Variants in DNM1L observed in about 807,000 individuals in gnomAD.
DNM1L encodes the protein dynamin 1L, also known as dynamin-1-like protein.
A neutral mutation model predicts 92.8 loss-of-function variants in DNM1L; 33 were observed. The observed-to-expected ratio is 0.36, with a 90% CI of 0.27 to 0.48. The LOEUF (loss-of-function observed/expected upper bound fraction) is 0.48, where lower values mean the gene tolerates loss of function less well. Among genes scored for constraint, DNM1L ranks in the 20% least tolerant of loss-of-function variants. The pLI, the probability that DNM1L is intolerant of heterozygous loss-of-function variation, is 0.99. For synonymous variants in DNM1L, 284 were observed against 305.0 expected, an observed-to-expected ratio of 0.93 and a Z score of 0.72; for missense variants, 485 against 888.8, an observed-to-expected ratio of 0.55 and a Z score of 5.78.
intron 1 of DNM1L, among the ~76,000 whole-genome samples, chr12:32,696,383 A>AAACAC (rs1952455021): frequency 1.4e-5 from 2 of 145,014 alleles, no homozygotes; most frequent in Admixed American, 1.4e-4. Flanking sequence ...CACACACACA[A>AAACAC]ACACACACAC....
At chr12:32,695,191 G>A (rs1952390236) in intron 1 of DNM1L, among the ~76,000 whole-genome samples, 2 of 152,106 alleles carry the variant, frequency 1.3e-5, no homozygotes, top group Non-Finnish European at 2.9e-5. Context: ...CAACAAGAGG[G>A]ATTTTTAGAG....
At chr12:32,725,433 C>T (rs1954068494) in intron 9 of DNM1L, 1 of 152,188 alleles carries the variant, frequency 6.6e-6, no homozygotes, top group South Asian at 2.1e-4. Flanking sequence ...TTCAGGCTAA[C>T]TTCTGAAAAA....
chr12:32,695,861 G>A (rs187222416), intron 1 of DNM1L, among the ~76,000 whole-genome samples: 8 of 152,198 alleles, frequency 5.3e-5, no homozygotes, highest in East Asian at 1.9e-4. Context: ...GCAAGTAAAC[G>A]TAACAGATAA....
chr12:32,714,527 C>G lies in DNM1L; in HGVS notation c.619+1156C>G, dbSNP rs568151409. On this transcript the variant is annotated intron_variant, in intron 6 of 19. Coordinates refer to ENST00000549701, the MANE Select transcript of DNM1L (RefSeq NM_012062.5). Reference sequence around the variant, plus strand: ...GACCTCGTGATCCGCCCGCCTCGGCCTCCCAGAGTGCTGGGATTACAGGTG... The same window carrying G: ...GACCTCGTGATCCGCCCGCCTCGGCGTCCCAGAGTGCTGGGATTACAGGTG... Among the ~76,000 whole-genome samples the G allele has an allele frequency of 4.6e-5, 7 of 152,042 alleles. No individual in the cohort carries two copies. In the East Asian group the frequency reaches 1.4e-3, roughly 30 times the overall value.
chr12:32,717,736 C>CATATACCTAGGTAGATATATATATAAAAA (rs1953538782), intron 6 of DNM1L, among the ~76,000 whole-genome samples: 1 of 76,604 alleles, frequency 1.3e-5, no homozygotes, highest in Non-Finnish European at 2.4e-5. Context: ...ATAAAAAATA[C>CATATACCTAGGTAGATATATATATAAAAA]ATATACCTAG....
At chr12:32,696,332 T>G (rs1256912310) in intron 1 of DNM1L, among the ~76,000 whole-genome samples, 1 of 151,040 alleles carries the variant, frequency 6.6e-6, no homozygotes, top group Non-Finnish European at 1.5e-5. Flanking sequence ...AGCCCAGGAG[T>G]TTGAGACCAG....
chr12:32,708,076 A>T, intron 3 of DNM1L, 77 bp from the exon 4 acceptor site: 1 of 783,570 alleles, frequency 1.3e-6, no homozygotes, highest in Non-Finnish European at 2.2e-6. Flanking sequence ...TCCTTGAAGT[A>T]TATGGACTCC....
At chr12:32,686,216 T>C (rs1952007893) in intron 1 of DNM1L, among the ~76,000 whole-genome samples, 1 of 152,026 alleles carries the variant, frequency 6.6e-6, no homozygotes, top group Admixed American at 6.6e-5. Flanking sequence ...CCTGGCTAAT[T>C]TTGTATTTTT....
At chr12:32,729,726 T>C (rs550545900) in intron 9 of DNM1L, among the ~76,000 whole-genome samples, 93 of 152,254 alleles carry the variant, frequency 6.1e-4, no homozygotes, top group Non-Finnish European at 1.1e-3. Flanking sequence ...TTCCAAAGTG[T>C]TGGGATTACA....
intron 5 of DNM1L, among the ~76,000 whole-genome samples, chr12:32,712,200 T>C (rs907747624): frequency 2.6e-5 from 4 of 152,168 alleles, no homozygotes; most frequent in Admixed American, 1.3e-4. Context: ...ACTTCTCCAG[T>C]TCCTTGTCAT....
At chr12:32,737,731 T>C in intron 14 of DNM1L, 134 bp from the exon 15 acceptor site, 1 of 733,410 alleles carries the variant, frequency 1.4e-6, no homozygotes, top group Non-Finnish European at 2.4e-6. Flanking sequence ...GAATAAACAA[T>C]CTCCCATGAT....
At chr12:32,680,534 T>G (rs552374678) in intron 1 of DNM1L, among the ~76,000 whole-genome samples, 22 of 152,050 alleles carry the variant, frequency 1.4e-4, no homozygotes, top group African/African-American at 4.4e-4. Flanking sequence ...TTGTTTGTTT[T>G]TTTGGCTTTT....
At chr12:32,694,525 G>A (rs1343902026) in intron 1 of DNM1L, among the ~76,000 whole-genome samples, 1 of 152,134 alleles carries the variant, frequency 6.6e-6, no homozygotes, top group Non-Finnish European at 1.5e-5. Flanking sequence ...TATGACTGAA[G>A]TATAAAATAA....
At chr12:32,742,474 A>C in intron 18 of DNM1L, 115 bp from the exon 19 acceptor site, 1 of 1,287,138 alleles carries the variant, frequency 7.8e-7, no homozygotes, top group Non-Finnish European at 1.1e-6. Context: ...CATTAATGAA[A>C]TATCCAAAGT....
chr12:32,710,363 A>G (rs1237635583), intron 4 of DNM1L, among the ~76,000 whole-genome samples: 2 of 152,208 alleles, frequency 1.3e-5, no homozygotes, highest in Non-Finnish European at 2.9e-5. Context: ...TGAGGAATAC[A>G]TTATTCTTTT....
At chr12:32,718,554 AG>A in intron 6 of DNM1L, 88 bp from the exon 7 acceptor site, 2 of 1,542,520 alleles carry the variant, frequency 1.3e-6, no homozygotes, top group Non-Finnish European at 1.8e-6. Flanking sequence ...ATTGTAGATG[AG>A]GGTTTTCCTT....
chr12:32,741,504 C>T (rs565935528), intron 18 of DNM1L, among the ~76,000 whole-genome samples: 4 of 152,240 alleles, frequency 2.6e-5, no homozygotes, highest in East Asian at 1.9e-4. Context: ...AGGCTGGTCT[C>T]GAACTCCTGA....
intron 2 of DNM1L, chr12:32,706,680 C>G (rs535706149): frequency 2.4e-5 from 11 of 454,888 alleles, no homozygotes; most frequent in Non-Finnish European, 4.4e-5. Context: ...TATTTCTTTC[C>G]TGCCTCCAGT....
intron 1 of DNM1L, among the ~76,000 whole-genome samples, chr12:32,680,368 T>C (rs1014083521): frequency 6.6e-6 from 1 of 152,234 alleles, no homozygotes; most frequent in African/African-American, 2.4e-5. Context: ...CATTTCTTAA[T>C]AGTATCTTTT....
Sources: allele counts gnomAD v4.1 joint callset (sites outside exome capture counted in the v4.1 genomes callset), GRCh38; gene constraint gnomAD v4.1.1; transcripts MANE v1.5; gene names NCBI Gene and HGNC (gene_info 2026-07-23, HGNC 2026-07-21).